The following SLC35F4 variants were observed in gnomAD, a reference collection of about 807,000 sequenced individuals.
The protein encoded by SLC35F4 is solute carrier family 35 member F4.
A neutral mutation model predicts 44.2 loss-of-function variants in SLC35F4; 24 were observed. The ratio of observed to expected loss-of-function variants is 0.54; its 90% confidence interval spans 0.39 to 0.76. SLC35F4 has a LOEUF of 0.76. SLC35F4 is among the 30% of genes least tolerant of loss of function. The probability of loss-of-function intolerance (pLI) is 0.00; values close to 1 mark genes in which losing one functional copy is unlikely to be tolerated. For synonymous variants in SLC35F4, 238 were observed against 223.6 expected (o/e 1.06, Z -0.57); for missense variants, 562 against 586.1 (o/e 0.96, Z 0.42).
chr14:57,926,682 T>C (rs1417628726), intron 1 of SLC35F4, among the ~76,000 whole-genome samples: 1 of 144,100 alleles, frequency 6.9e-6, no homozygotes, highest in Non-Finnish European at 1.5e-5. Flanking sequence ...AAGATATCTT[T>C]ACCATTCCTT....
chr14:57,735,244 G>A (rs2076434645), intron 1 of SLC35F4, among the ~76,000 whole-genome samples: 3 of 152,156 alleles, frequency 2.0e-5, no homozygotes, highest in South Asian at 4.1e-4. Context: ...CCAAAGTAAA[G>A]CTAACCCTAT....
chr14:57,902,744 C>G lies in SLC35F4; in HGVS notation n.282+79169G>C, dbSNP rs148160701. 6.6e-4 allele frequency among the ~76,000 whole-genome samples: 100 copies of G among 152,198 alleles called. 2 individuals carry two copies. The East Asian group carries it at 0.018, about 28-fold the overall frequency. On this transcript the variant is annotated intron_variant and non_coding_transcript_variant, in intron 1 of 1. Coordinates refer to the SLC35F4 transcript ENST00000556568. ...TATATGTAAAGTGCTTAACAGGATG[C>G]CTAGTAATCAATCAGCATAGACTGC... is the stretch of plus-strand genomic sequence containing the variant.
chr14:57,672,475 A>G (rs1358793297), intron 1 of SLC35F4, among the ~76,000 whole-genome samples: 1 of 152,160 alleles, frequency 6.6e-6, no homozygotes, highest in East Asian at 1.9e-4. Flanking sequence ...TATGAAGGAA[A>G]AATTCAGGTC....
chr14:57,732,432 T>C (rs924205878), intron 1 of SLC35F4, among the ~76,000 whole-genome samples: 21 of 152,334 alleles, frequency 1.4e-4, no homozygotes, highest in African/African-American at 5.1e-4. Flanking sequence ...AGCTTTTTAG[T>C]TCCAAAATGC....
intron 4 of SLC35F4, 87 bp downstream of exon 4, chr14:57,581,127 T>C: frequency 7.5e-7 from 1 of 1,340,688 alleles, no homozygotes; most frequent in Non-Finnish European, 9.8e-7. Flanking sequence ...TTACAGCAAC[T>C]CCACGAAACA....
At chr14:57,567,422 T>C (rs1337855387) in intron 6 of SLC35F4, among the ~76,000 whole-genome samples, 1 of 152,234 alleles carries the variant, frequency 6.6e-6, no homozygotes, top group Non-Finnish European at 1.5e-5. Context: ...TGTGTATATC[T>C]CTGCAGAACC....
At chr14:57,752,804 G>A (rs553370441) in intron 1 of SLC35F4, among the ~76,000 whole-genome samples, 2 of 152,278 alleles carry the variant, frequency 1.3e-5, no homozygotes, top group South Asian at 2.1e-4. Flanking sequence ...CTTCACCCAT[G>A]AGGGTCTGAA....
At chr14:57,591,354 A>C (rs1206429894) in intron 2 of SLC35F4, among the ~76,000 whole-genome samples, 2 of 152,228 alleles carry the variant, frequency 1.3e-5, no homozygotes, top group Non-Finnish European at 2.9e-5. Flanking sequence ...TGAGTCTGGA[A>C]GTGTGAGTTA....
At chr14:57,866,357 G>C (rs1260257192), upstream of SLC35F4, among the ~76,000 whole-genome samples, 1 of 152,138 alleles carries the variant, frequency 6.6e-6, no homozygotes, top group African/African-American at 2.4e-5. Flanking sequence ...TGTCGCTCGG[G>C]GAGAAGACAC....
intron 5 of SLC35F4, 114 bp from the exon 6 acceptor site, chr14:57,570,094 C>T: frequency 1.1e-6 from 1 of 951,240 alleles, no homozygotes; most frequent in Non-Finnish European, 1.5e-6. Context: ...TCCATTTCTT[C>T]TTGCCCTGAC....
chr14:57,670,787 C>CA (rs2140270777), intron 1 of SLC35F4, among the ~76,000 whole-genome samples: 1 of 151,922 alleles, frequency 6.6e-6, no homozygotes, highest in South Asian at 2.1e-4. Context: ...GAAGAACAAG[C>CA]AGATCCAGGG....
chr14:57,803,096 C>T (rs185284934), intron 1 of SLC35F4, among the ~76,000 whole-genome samples: 4 of 151,906 alleles, frequency 2.6e-5, no homozygotes, highest in East Asian at 3.9e-4. Flanking sequence ...CATCAAAAAG[C>T]TTATCCACCA....
At chr14:57,661,759 AG>A (rs1049179767) in intron 1 of SLC35F4, among the ~76,000 whole-genome samples, 2 of 152,220 alleles carry the variant, frequency 1.3e-5, no homozygotes, top group African/African-American at 4.8e-5. Flanking sequence ...GAATCCCCAG[AG>A]GGTTTGTTAG....
chr14:57,841,118 C>A (rs972283479), intron 1 of SLC35F4, among the ~76,000 whole-genome samples: 2 of 152,080 alleles, frequency 1.3e-5, no homozygotes, highest in Non-Finnish European at 2.9e-5. Context: ...GCCATATTAT[C>A]AATTATCAGC....
intron 1 of SLC35F4, among the ~76,000 whole-genome samples, chr14:57,693,381 C>T (rs753717726): frequency 5.3e-5 from 8 of 151,902 alleles, no homozygotes; most frequent in South Asian, 2.1e-4. Flanking sequence ...ATGGCCATGA[C>T]GCCCACACTG....
At chr14:57,975,619 T>G (rs1174917008), downstream of SLC35F4, among the ~76,000 whole-genome samples, 2 of 152,176 alleles carry the variant, frequency 1.3e-5, no homozygotes, top group Non-Finnish European at 2.9e-5. Flanking sequence ...AAATGTAGAA[T>G]GGACATATTA....
At position 57,951,250 on chromosome 14, in the gene SLC35F4, C is replaced by G. The variant is rs544369431; in HGVS notation, n.282+30663G>C. 2.0e-5 allele frequency among the ~76,000 whole-genome samples: 3 copies of G among 152,266 alleles called. No homozygotes were observed. The East Asian group carries it at 5.8e-4, about 30-fold the overall frequency. The stretch of plus-strand genomic sequence containing the variant: ...CTGTGCTGTGAGGAATGGTTCATTA[C>G]AGCCCAGATACTACACTTTTCCCAT... On this transcript the variant is annotated intron_variant and non_coding_transcript_variant, in intron 1 of 1. Coordinates refer to the SLC35F4 transcript ENST00000556568.
intron 1 of SLC35F4, among the ~76,000 whole-genome samples, chr14:57,809,595 C>A (rs1051870726): frequency 9.2e-5 from 14 of 152,202 alleles, no homozygotes; most frequent in Admixed American, 7.9e-4. Flanking sequence ...ACTGTCTTAA[C>A]TCATAGGTTT....
chr14:57,732,403 C>T (rs1367575792), intron 1 of SLC35F4, among the ~76,000 whole-genome samples: 1 of 152,092 alleles, frequency 6.6e-6, no homozygotes, highest in Non-Finnish European at 1.5e-5. Context: ...GAAAAAAATG[C>T]ATCTTATGTA....
Sources: gnomAD v4.1 joint callset for allele counts (sites outside exome capture counted in the v4.1 genomes callset) on GRCh38, gnomAD v4.1.1 for gene constraint, MANE v1.5 for transcripts, NCBI Gene and HGNC (gene_info 2026-07-23, HGNC 2026-07-21) for gene names.